The following GRIN1 variants were observed in gnomAD, a reference collection of about 807,000 sequenced individuals.
GRIN1 encodes glutamate ionotropic receptor NMDA type subunit 1, also known as glutamate receptor ionotropic, NMDA 1.
GRIN1 carries 38 observed loss-of-function variants against 103.0 expected under a neutral mutation model. The ratio of observed to expected loss-of-function variants is 0.37; its 90% CI spans 0.28 to 0.48. GRIN1 has a LOEUF of 0.48. Ranked by LOEUF, GRIN1 falls within the 20% of genes least tolerant of loss-of-function variation. The pLI is 0.98. For synonymous variants in GRIN1, 544 were observed against 532.7 expected, an observed-to-expected ratio of 1.02 and a Z score of -0.29; for missense variants, 577 against 1,288.9, an observed-to-expected ratio of 0.45 and a Z score of 8.46.
chr9:137,143,578 A>G (rs1261373908), intron 2 of GRIN1, among the ~76,000 whole-genome samples: 1 of 152,236 alleles, frequency 6.6e-6, no homozygotes, highest in Non-Finnish European at 1.5e-5. Context: ...GGGAGGGGGC[A>G]CAGCTCACAG....
chr9:137,162,168 G>T lies in GRIN1; in HGVS notation c.1633-4G>T, dbSNP rs939350327. On this transcript the variant is annotated splice_polypyrimidine_tract_variant and splice_region_variant and intron_variant, in intron 11 of 19. Transcript: ENST00000371561. ...GGCCGCGCTGACCTCGCGTCCCTCC[G>T]CAGGAGATTCCCCGGAGCACGCTGG... 1.3e-6 allele frequency: 2 copies of T among 1,544,466 alleles called. No individual in the cohort carries two copies. The highest frequency in any genetic ancestry group is 1.2e-5 in the South Asian group (1 of 84,118).
At chr9:137,144,476 A>G (rs1832362223) in intron 2 of GRIN1, among the ~76,000 whole-genome samples, 1 of 151,644 alleles carries the variant, frequency 6.6e-6, no homozygotes, top group Non-Finnish European at 1.5e-5. Flanking sequence ...AATACGGTGA[A>G]ACCCCATCTC....
chr9:137,155,238 G>C (rs1243516400), intron 4 of GRIN1, among the ~76,000 whole-genome samples: 2 of 152,370 alleles, frequency 1.3e-5, no homozygotes, highest in South Asian at 4.1e-4. Context: ...GGGCTTGTCT[G>C]TCAGGCCCTG....
rs757759855 is a variant in GRIN1, at chr9:137,161,037, G to T, written c.1198-19G>T. 3.7e-6 allele frequency: 6 copies of T among 1,612,322 alleles called. No individual in the cohort carries two copies. On this transcript the variant is annotated intron_variant, in intron 8 of 19. Transcript: ENST00000371561. ...GCCTTAGGTCGGTGGTCCAGGCTGG[G>T]TCTCCCCTTCCCCCCCAGATTGTGA...
rs554879974 is a variant in GRIN1, at chr9:137,155,858, C to T, written c.672-811C>T. The stretch of plus-strand genomic sequence containing the variant: ...AAGGTGAGGCCTGTCTGGGCTCTGT[C>T]CTCCTGCAGGCCCCAGGCCTGGGTG... On this transcript the variant is annotated intron_variant, in intron 4 of 19. Coordinates refer to ENST00000371561, the MANE Select transcript of GRIN1 (RefSeq NM_007327.4). 2.5e-3 allele frequency among the ~76,000 whole-genome samples: 380 copies of T among 152,330 alleles called. 4 individuals are homozygous for T. Among genetic ancestry groups the T allele is most frequent in the Middle Eastern group, 0.02 (6 of 294 alleles).
Position 137,161,210 on chromosome 9 carries a change from GGCAGGGC to G in GRIN1, c.1339+16_1339+22del, listed in dbSNP as rs1833520228. On this transcript the variant is annotated intron_variant, in intron 9 of 19. Transcript: ENST00000371561. Reference sequence around the variant, plus strand: ...TCGCCGGGCAGCCGTGAGTGCGCGGGGCAGGGCGCGGGGCGCGGGGCAGGGCGCGGGG... The same window carrying G: ...TCGCCGGGCAGCCGTGAGTGCGCGGGGCGGGGCGCGGGGCAGGGCGCGGGG... The G allele has an allele frequency of 6.2e-7, 1 of 1,605,856 alleles. No homozygotes were observed. Among genetic ancestry groups the G allele is most frequent in the Non-Finnish European group, 8.5e-7 (1 of 1,176,446 alleles).
At chr9:137,157,349 C>G (rs573968886) in intron 6 of GRIN1, among the ~76,000 whole-genome samples, 1 of 152,188 alleles carries the variant, frequency 6.6e-6, no homozygotes, top group African/African-American at 2.4e-5. Context: ...CCTCTCCCCC[C>G]ACACCCCCAG....
rs1172075368 is a variant in GRIN1 at position 137,156,851 on chromosome 9, A to T, written c.794-12A>T. ...GAGGACCCCACGGGCTCTGAGTCGC[A>T]TGCTCGCCTAGGCATCCTCGGGCTG... On this transcript the variant is annotated splice_polypyrimidine_tract_variant and intron_variant, in intron 5 of 19. Coordinates refer to ENST00000371561, the MANE Select transcript of GRIN1 (RefSeq NM_007327.4). 2 of 1,610,088 alleles carry T rather than the reference A, an allele frequency of 1.2e-6. No individual in the cohort carries two copies. Among genetic ancestry groups the T allele is most frequent in the African/African-American group, 1.3e-5 (1 of 74,880 alleles).
At chr9:137,160,438 T>C (rs574327116) in intron 8 of GRIN1, among the ~76,000 whole-genome samples, 30 of 150,332 alleles carry the variant, frequency 2.0e-4, no homozygotes, top group Middle Eastern at 3.4e-3. Context: ...AATCATGTCT[T>C]TTTTTTTTTG....
rs1833952423 is a variant in GRIN1 at position 137,167,644 on chromosome 9, C to T, written c.*117C>T. 1.8e-5 allele frequency: 27 copies of T among 1,510,290 alleles called. No individual in the cohort carries two copies. Among genetic ancestry groups the T allele is most frequent in the Non-Finnish European group, 2.3e-5 (26 of 1,129,208 alleles). 93.6% of individuals were successfully genotyped at this position (1,510,290 alleles called of 1,614,324 possible). A position where few individuals can be genotyped will look rare whatever the true frequency, so the allele number is the denominator to read the frequency against. ...ACCACGGGGTCGGGGGAGGAGCACC[C>T]CCAGCCTCCCCCAGGCTGCGCCTGC... On this transcript the variant is annotated 3_prime_UTR_variant, in exon 20 of 20. Coordinates refer to ENST00000371561, the MANE Select transcript of GRIN1 (RefSeq NM_007327.4).
chr9:137,161,019 G>A (rs765383732), intron 8 of GRIN1, 37 bp from the exon 9 acceptor site: 1 of 1,611,948 alleles, frequency 6.2e-7, no homozygotes, highest in Non-Finnish European at 8.5e-7. Context: ...GCAGCCTTAG[G>A]TCGGTGGTCC....
intron 4 of GRIN1, among the ~76,000 whole-genome samples, chr9:137,154,912 G>A (rs1833132464): frequency 6.6e-6 from 1 of 152,218 alleles, no homozygotes; most frequent in East Asian, 1.9e-4. Context: ...CAAGCCCTGG[G>A]CAGTGGCAGG....
At chr9:137,141,887 C>T (rs1283640860) in intron 1 of GRIN1, 126 bp from the exon 2 acceptor site, 1 of 1,005,306 alleles carries the variant, frequency 9.9e-7, no homozygotes, top group Non-Finnish European at 1.6e-6. Context: ...GTAGCATGTA[C>T]CCGAATCATG....
chr9:137,165,385 T>C, intron 19 of GRIN1, 89 bp downstream of exon 19: 1 of 829,356 alleles, frequency 1.2e-6, no homozygotes. Flanking sequence ...CCCCGGACCC[T>C]GGGCTCCTGT....
chr9:137,143,034 A>C (rs1832262207), intron 2 of GRIN1, among the ~76,000 whole-genome samples: 1 of 152,258 alleles, frequency 6.6e-6, no homozygotes. Context: ...CCCAGGATGC[A>C]AACTGGGCAC....
chr9:137,160,632 G>A (rs943027644), intron 8 of GRIN1, among the ~76,000 whole-genome samples: 2 of 152,278 alleles, frequency 1.3e-5, no homozygotes, highest in African/African-American at 4.8e-5. Context: ...GGGTTTCACC[G>A]TGTTAGCCAG....
Position 137,149,014 on chromosome 9 carries a change from G to T in GRIN1, c.576G>T (p.Glu192Asp). 1 of 1,611,172 alleles carries T rather than the reference G, an allele frequency of 6.2e-7. No individual in the cohort carries two copies. Among genetic ancestry groups the T allele is most frequent in the Non-Finnish European group, 8.5e-7 (1 of 1,177,854 alleles). Residue 192 changes from glutamate to aspartate, a missense_variant, in exon 4 of 20, where the codon GAG becomes GAT. By Grantham distance (45) the Glu-to-Asp change is conservative. Around this residue, in one of 9 missense-constraint regions of GRIN1, gnomAD observed 308 missense variants for 553.6 expected, o/e 0.56. Coordinates refer to ENST00000371561, the MANE Select transcript of GRIN1 (RefSeq NM_007327.4). ...TLLEERESKA[E>D]KVLQFDPGTK... ...CACTCTTGCTCACACCGCAGGCAGA[G>T]AAGGTGCTGCAGTTTGACCCAGGGA...
At chr9:137,153,428 T>G (rs1242265520) in intron 4 of GRIN1, among the ~76,000 whole-genome samples, 4 of 150,370 alleles carry the variant, frequency 2.7e-5, no homozygotes, top group African/African-American at 9.8e-5. Context: ...CACAAATGTA[T>G]GTACGCACCA....
chr9:137,144,266 G>T (rs1254433103), intron 2 of GRIN1, among the ~76,000 whole-genome samples: 1 of 152,088 alleles, frequency 6.6e-6, no homozygotes, highest in Non-Finnish European at 1.5e-5. Flanking sequence ...GGGAGGAGAG[G>T]CCGGGGTGGG....
Sources: gnomAD v4.1 joint callset for allele counts (sites outside exome capture counted in the v4.1 genomes callset) on GRCh38, gnomAD v4.1.1 for gene constraint, gnomAD v4.1.1 regional missense constraint, MANE v1.5 for transcripts, NCBI Gene and HGNC (gene_info 2026-07-23, HGNC 2026-07-21) for gene names.